CEP112: variants seen among roughly 807,000 people sequenced by gnomAD.
CEP112 encodes centrosomal protein 112, also known as centrosomal protein of 112 kDa.
CEP112 carries 127 observed loss-of-function variants against 153.0 expected under a neutral mutation model. That is an observed-to-expected ratio of 0.83 (90% CI 0.72 to 0.96). CEP112 has a LOEUF of 0.96. Among genes scored for constraint, CEP112 ranks in the 40% least tolerant of loss-of-function variants. CEP112 has a pLI of 0.00. For missense variants in CEP112, 1,089 were observed against 1,101.2 expected (o/e 0.99, Z 0.16); for synonymous variants, 358 against 374.4 (o/e 0.96, Z 0.51).
chr17:65,941,728 T>C (rs2061510186), intron 18 of CEP112, among the ~76,000 whole-genome samples: 1 of 152,154 alleles, frequency 6.6e-6, no homozygotes, highest in Non-Finnish European at 1.5e-5. Context: ...AGTACATTTC[T>C]GTGGCTGTTT....
intron 6 of CEP112, among the ~76,000 whole-genome samples, chr17:66,107,865 C>G (rs532641344): frequency 9.9e-5 from 15 of 152,128 alleles, no homozygotes; most frequent in African/African-American, 2.9e-4. Context: ...AAGAATAAAA[C>G]TGGAGTAATC....
chr17:65,976,798 G>A (rs2063053736), intron 17 of CEP112, among the ~76,000 whole-genome samples: 1 of 139,632 alleles, frequency 7.2e-6, no homozygotes, highest in Admixed American at 8.0e-5. Flanking sequence ...GAGTGCAGTG[G>A]TGCAATCTCA....
At chr17:65,976,379 G>A (rs909340159) in intron 17 of CEP112, among the ~76,000 whole-genome samples, 1 of 152,074 alleles carries the variant, frequency 6.6e-6, no homozygotes, top group Non-Finnish European at 1.5e-5. Context: ...AATCAAAAAC[G>A]TTACCCTTTT....
chr17:66,078,745 T>C (rs889165653), intron 8 of CEP112, among the ~76,000 whole-genome samples: 7 of 152,180 alleles, frequency 4.6e-5, no homozygotes, highest in Admixed American at 1.3e-4. Flanking sequence ...TTAAAGAGAT[T>C]CTGTTTTGAT....
chr17:65,889,522 C>T lies in CEP112; in HGVS notation c.2163+12630G>A, dbSNP rs970356312. Among the ~76,000 whole-genome samples the T allele has an allele frequency of 2.0e-5, 3 of 152,142 alleles. No individual in the cohort carries two copies. In the East Asian group the frequency reaches 5.8e-4, roughly 29 times the overall value. ...TCCCTGCCTCTCTCTCTTGACCTAC[C>T]TTCCCACTTTCTTAGTCTTCTTGTC... On this transcript the variant is annotated intron_variant, in intron 20 of 26. Coordinates refer to ENST00000535342, the MANE Select transcript of CEP112 (RefSeq NM_001199165.4).
intron 21 of CEP112, among the ~76,000 whole-genome samples, chr17:65,803,113 T>C (rs2145839494): frequency 6.6e-6 from 1 of 152,354 alleles, no homozygotes; most frequent in African/African-American, 2.4e-5. Flanking sequence ...ACAGACTACA[T>C]AGAGATAGAG....
chr17:65,969,965 T>C (rs1390704075), intron 17 of CEP112, among the ~76,000 whole-genome samples: 1 of 152,148 alleles, frequency 6.6e-6, no homozygotes. Context: ...ATTAAATGTA[T>C]GTATAACATG....
chr17:65,898,623 G>A (rs7219035), intron 20 of CEP112, among the ~76,000 whole-genome samples: 54,433 of 151,902 alleles, frequency 0.36, 11,207 homozygotes, highest in Middle Eastern at 0.48. Flanking sequence ...AAAGGCATTT[G>A]GGTGCCAATG....
chr17:65,887,984 G>GT (rs2059342161), intron 20 of CEP112, among the ~76,000 whole-genome samples: 1 of 151,772 alleles, frequency 6.6e-6, no homozygotes, highest in Admixed American at 6.6e-5. Context: ...GCACTTCCCT[G>GT]TTTTTTTTCT....
chr17:65,644,035 T>C (rs1471471023), intron 24 of CEP112, among the ~76,000 whole-genome samples: 2 of 152,158 alleles, frequency 1.3e-5, no homozygotes, highest in Non-Finnish European at 2.9e-5. Flanking sequence ...ACTATCTTGG[T>C]CTGCCTCTTG....
chr17:66,071,587 G>A (rs777243321), intron 8 of CEP112, among the ~76,000 whole-genome samples: 16 of 151,914 alleles, frequency 1.1e-4, no homozygotes, highest in Non-Finnish European at 1.9e-4. Flanking sequence ...ACCTCTCACC[G>A]GCCCTACCTC....
In CEP112 at chr17:65,641,084, AAG is replaced by A; in HGVS notation, c.2698-21_2698-20del. 2.3e-6 allele frequency: 3 copies of A among 1,309,510 alleles called. No homozygotes were observed. Among genetic ancestry groups the A allele is most frequent in the Non-Finnish European group, 3.3e-6 (3 of 903,512 alleles). 81.1% of individuals were successfully genotyped at this position (1,309,510 alleles called of 1,614,324 possible). A position where few individuals can be genotyped will look rare whatever the true frequency, so the allele number is the denominator to read the frequency against. On this transcript the variant is annotated intron_variant, in intron 24 of 26. Coordinates refer to ENST00000535342, the MANE Select transcript of CEP112 (RefSeq NM_001199165.4). ...AAGTTATCTAAATTGGAAAAAAATTAAGAGTTATCTTTTTACCACATAAATGA... is the reference window on the plus strand; with the variant it reads ...AAGTTATCTAAATTGGAAAAAAATTAAGTTATCTTTTTACCACATAAATGA...
At chr17:66,165,683 A>G (rs183746895) in intron 4 of CEP112, among the ~76,000 whole-genome samples, 5 of 152,336 alleles carry the variant, frequency 3.3e-5, no homozygotes, top group Non-Finnish European at 7.3e-5. Flanking sequence ...GTTTGCTCAC[A>G]TAGATTAACT....
intron 2 of CEP112, among the ~76,000 whole-genome samples, chr17:66,180,645 C>G (rs918316865): frequency 6.6e-6 from 1 of 152,040 alleles, no homozygotes; most frequent in African/African-American, 2.4e-5. Flanking sequence ...CAAAATCTAC[C>G]TAAAAATCAC....
chr17:65,815,146 T>C (rs1320798781), intron 21 of CEP112, among the ~76,000 whole-genome samples: 3 of 152,144 alleles, frequency 2.0e-5, no homozygotes, highest in Non-Finnish European at 4.4e-5. Context: ...CCAAGGGTTT[T>C]ATACTTGCAG....
chr17:66,094,303 G>T (rs183723569), intron 8 of CEP112, among the ~76,000 whole-genome samples: 1 of 151,830 alleles, frequency 6.6e-6, no homozygotes, highest in African/African-American at 2.4e-5. Flanking sequence ...CAAGTGATCC[G>T]CCCACCTCAG....
intron 5 of CEP112, among the ~76,000 whole-genome samples, chr17:66,131,512 C>T (rs1010473169): frequency 6.6e-6 from 1 of 152,160 alleles, no homozygotes; most frequent in Admixed American, 6.5e-5. Context: ...GAGGCTGAGG[C>T]GGGCGGATCA....
At chr17:66,169,982 G>C (rs760854539) in intron 4 of CEP112, among the ~76,000 whole-genome samples, 1 of 152,120 alleles carries the variant, frequency 6.6e-6, no homozygotes, top group African/African-American at 2.4e-5. Context: ...AACTAGGGAA[G>C]GATTCACTTC....
chr17:65,665,556 A>G (rs2046648392), intron 24 of CEP112, among the ~76,000 whole-genome samples: 1 of 152,238 alleles, frequency 6.6e-6, no homozygotes, highest in African/African-American at 2.4e-5. Flanking sequence ...GCCTGGAAAC[A>G]TAGGCTCAGG....
Sources: allele counts gnomAD v4.1 joint callset (sites outside exome capture counted in the v4.1 genomes callset), GRCh38; gene constraint gnomAD v4.1.1; transcripts MANE v1.5; gene names NCBI Gene and HGNC (gene_info 2026-07-23, HGNC 2026-07-21).